HIPK3: variants seen among roughly 807,000 people sequenced by gnomAD.
The protein encoded by HIPK3 is homeodomain interacting protein kinase 3, also known as homeodomain-interacting protein kinase 3.
In HIPK3, 47 loss-of-function variants were observed where a neutral mutation model predicts 124.2. The ratio of observed to expected loss-of-function variants is 0.38; its 90% CI spans 0.30 to 0.48. HIPK3 has a LOEUF of 0.48. Among genes scored for constraint, HIPK3 ranks in the 20% least tolerant of loss-of-function variants. HIPK3 has a pLI of 0.98. For synonymous variants in HIPK3, 482 were observed against 515.2 expected (o/e 0.94, Z 0.87); for missense variants, 1,286 against 1,454.3 (o/e 0.88, Z 1.88).
intron 2 of HIPK3, among the ~76,000 whole-genome samples, chr11:33,307,673 T>G (rs1333821770): frequency 6.6e-6 from 1 of 152,000 alleles, no homozygotes; most frequent in Non-Finnish European, 1.5e-5. Flanking sequence ...CCCAAAGTGC[T>G]GGGATTACAG....
chr11:33,301,374 G>A (rs954333738), intron 2 of HIPK3, among the ~76,000 whole-genome samples: 13 of 151,978 alleles, frequency 8.6e-5, no homozygotes, highest in African/African-American at 3.1e-4. Flanking sequence ...GTGTGATTAT[G>A]TTATTATTTT....
intron 2 of HIPK3, among the ~76,000 whole-genome samples, chr11:33,298,425 A>G (rs1851900873): frequency 6.6e-6 from 1 of 152,242 alleles, no homozygotes; most frequent in Non-Finnish European, 1.5e-5. Flanking sequence ...CATGTTTGCT[A>G]ACACAACATC....
In HIPK3 at chr11:33,356,280, A is replaced by T. The variant is rs1049766623; in HGVS notation, c.*2712A>T. 15 of 152,040 alleles carry T rather than the reference A, an allele frequency of 9.9e-5. No individual in the cohort carries two copies. Among genetic ancestry groups the T allele is most frequent in the African/African-American group, 3.6e-4 (15 of 41,434 alleles). 9.4% of individuals were successfully genotyped at this position (152,040 alleles called of 1,614,324 possible). Reference sequence around the variant, plus strand: ...ACTACACTGCTCTTTAATTGCAATCATGGGCATTTTAATGTATTTTAAAAT... The same window carrying T: ...ACTACACTGCTCTTTAATTGCAATCTTGGGCATTTTAATGTATTTTAAAAT... On this transcript the variant is annotated 3_prime_UTR_variant, in exon 17 of 17. Transcript: ENST00000303296.
At chr11:33,297,294 A>G (rs1851867817) in intron 2 of HIPK3, among the ~76,000 whole-genome samples, 1 of 152,112 alleles carries the variant, frequency 6.6e-6, no homozygotes, top group Non-Finnish European at 1.5e-5. Context: ...GGGCTTCGCC[A>G]TGTTGGCCAG....
At chr11:33,324,962 AATAG>A (rs1166422748) in intron 2 of HIPK3, among the ~76,000 whole-genome samples, 7 of 152,366 alleles carry the variant, frequency 4.6e-5, no homozygotes, top group African/African-American at 1.7e-4. Context: ...CTAATGCAAT[AATAG>A]ATAGTGAACT....
At chr11:33,340,705 A>C (rs1459098351) in intron 6 of HIPK3, among the ~76,000 whole-genome samples, 1 of 151,752 alleles carries the variant, frequency 6.6e-6, no homozygotes, top group Non-Finnish European at 1.5e-5. Context: ...GGGATCGTAA[A>C]ATTATTGCAT....
At chr11:33,294,463 C>T (rs905363193) in intron 2 of HIPK3, among the ~76,000 whole-genome samples, 6 of 152,000 alleles carry the variant, frequency 3.9e-5, no homozygotes, top group African/African-American at 1.2e-4. Context: ...GGGTGTGATA[C>T]GAAGTTGCTT....
intron 1 of HIPK3, among the ~76,000 whole-genome samples, chr11:33,283,193 CTCT>C (rs1565061879): frequency 2.0e-5 from 3 of 151,960 alleles, no homozygotes; most frequent in African/African-American, 7.3e-5. Flanking sequence ...TCACTGCAAC[CTCT>C]ACCTCCCGGG....
chr11:33,339,927 T>C (rs555403867), intron 6 of HIPK3, among the ~76,000 whole-genome samples: 25 of 152,324 alleles, frequency 1.6e-4, no homozygotes, highest in East Asian at 1.2e-3. Flanking sequence ...CATTTTTTTT[T>C]CCCCACAACT....
At chr11:33,342,428 T>C (rs920922181) in intron 8 of HIPK3, among the ~76,000 whole-genome samples, 4 of 152,160 alleles carry the variant, frequency 2.6e-5, no homozygotes, top group African/African-American at 9.7e-5. Flanking sequence ...ATAGCTTAGG[T>C]AATAAATAAT....
intron 1 of HIPK3, among the ~76,000 whole-genome samples, chr11:33,279,345 AAAAG>A (rs1375483631): frequency 1.9e-4 from 29 of 151,050 alleles, no homozygotes; most frequent in East Asian, 1.5e-3. Flanking sequence ...AAAAAAAAAA[AAAAG>A]AGAAGAAGAA....
chr11:33,328,475 A>T (rs1852873697), intron 2 of HIPK3, 35 bp from the exon 3 acceptor site: 1 of 1,602,892 alleles, frequency 6.2e-7, no homozygotes, highest in Non-Finnish European at 8.5e-7. Flanking sequence ...TTAGAGAAAA[A>T]CCACCCTGAT....
At chr11:33,338,729 C>T in intron 4 of HIPK3, 28 bp from the exon 5 acceptor site, 1 of 1,439,874 alleles carries the variant, frequency 6.9e-7, no homozygotes, top group Non-Finnish European at 9.7e-7. Context: ...ATAATGTATT[C>T]TTTTTTCCCT....
chr11:33,305,010 T>C (rs564963641), intron 2 of HIPK3, among the ~76,000 whole-genome samples: 2 of 152,332 alleles, frequency 1.3e-5, no homozygotes, highest in East Asian at 3.9e-4. Flanking sequence ...TTTTTTATTT[T>C]TGTTTTTTGA....
At chr11:33,335,945 G>A (rs190495986) in intron 3 of HIPK3, among the ~76,000 whole-genome samples, 3 of 152,250 alleles carry the variant, frequency 2.0e-5, no homozygotes, top group South Asian at 4.1e-4. Context: ...AGGGCCTACT[G>A]TGTACCATGC....
At chr11:33,323,679 A>G (rs940025078) in intron 2 of HIPK3, among the ~76,000 whole-genome samples, 1 of 152,218 alleles carries the variant, frequency 6.6e-6, no homozygotes, top group African/African-American at 2.4e-5. Flanking sequence ...TTGTTTTTCA[A>G]CTTAACCACT....
At chr11:33,293,571 A>G (rs1851758235) in intron 2 of HIPK3, among the ~76,000 whole-genome samples, 1 of 152,114 alleles carries the variant, frequency 6.6e-6, no homozygotes, top group Non-Finnish European at 1.5e-5. Flanking sequence ...AATATTTTCA[A>G]GGTTCATCCA....
chr11:33,276,119 T>C (rs1373400915), intron 1 of HIPK3, among the ~76,000 whole-genome samples: 2 of 152,262 alleles, frequency 1.3e-5, no homozygotes, highest in African/African-American at 4.8e-5. Flanking sequence ...ACCTAGATTA[T>C]TCAAATGTTA....
intron 2 of HIPK3, among the ~76,000 whole-genome samples, chr11:33,310,948 A>AG (rs1182462035): frequency 2.6e-5 from 4 of 152,218 alleles, no homozygotes; most frequent in Non-Finnish European, 5.9e-5. Context: ...GCATCTGCCA[A>AG]GGCCCCTCTT....
Sources: allele counts gnomAD v4.1 joint callset (sites outside exome capture counted in the v4.1 genomes callset), GRCh38; gene constraint gnomAD v4.1.1; transcripts MANE v1.5; gene names NCBI Gene and HGNC (gene_info 2026-07-23, HGNC 2026-07-21).